SORCS1: variants seen among roughly 807,000 people sequenced by gnomAD.
SORCS1 encodes VPS10 domain-containing receptor SorCS1.
SORCS1 carries 60 observed loss-of-function variants against 146.1 expected under a neutral mutation model. That is an observed-to-expected ratio of 0.41 (90% CI 0.33 to 0.51). The LOEUF is 0.51. SORCS1 is among the 20% of genes least tolerant of loss of function. SORCS1 has a pLI of 0.21. For synonymous variants in SORCS1, 637 were observed against 584.0 expected, an observed-to-expected ratio of 1.09 and a Z score of -1.31; for missense variants, 1,352 against 1,487.6, an observed-to-expected ratio of 0.91 and a Z score of 1.50.
intron 22 of SORCS1, among the ~76,000 whole-genome samples, chr10:106,609,511 T>TA (rs953795425): frequency 6.6e-6 from 1 of 152,130 alleles, no homozygotes; most frequent in Non-Finnish European, 1.5e-5. Context: ...CCTTGGGACT[T>TA]AAAAAAGTGG....
intron 17 of SORCS1, among the ~76,000 whole-genome samples, chr10:106,666,273 T>TA (rs1564835197): frequency 6.6e-6 from 1 of 152,238 alleles, no homozygotes; most frequent in Non-Finnish European, 1.5e-5. Flanking sequence ...GTTCCCAAAG[T>TA]AAGAGAGAAT....
intron 14 of SORCS1, 130 bp downstream of exon 14, chr10:106,674,919 G>T: frequency 1.6e-6 from 1 of 636,094 alleles, no homozygotes; most frequent in Non-Finnish European, 2.6e-6. Context: ...CCTATTTGCT[G>T]TACACTCTTG....
At position 106,934,866 on chromosome 10, in the gene SORCS1, T is replaced by C. The variant is rs576774047; in HGVS notation, c.626+21647A>G. On this transcript the variant is annotated intron_variant, in intron 2 of 25. Transcript: ENST00000263054. ...TAATAAGCAGGAGCTAAGCTATGGGTACATAAAGGCATACAGAGTGACATA... is the reference window on the plus strand; with the variant it reads ...TAATAAGCAGGAGCTAAGCTATGGGCACATAAAGGCATACAGAGTGACATA... Among the ~76,000 whole-genome samples, 4 of 152,110 alleles carry C rather than the reference T, an allele frequency of 2.6e-5. No homozygotes were observed. In the South Asian group the frequency reaches 6.2e-4, roughly 24 times the overall value.
At chr10:106,972,997 T>C (rs1955854279) in intron 1 of SORCS1, among the ~76,000 whole-genome samples, 1 of 152,126 alleles carries the variant, frequency 6.6e-6, no homozygotes, top group South Asian at 2.1e-4. Flanking sequence ...CTTCTACCAT[T>C]GAGGCTGAGG....
In SORCS1 at chr10:106,576,656, A is replaced by G. The variant is rs1229468977; in HGVS notation, c.*764T>C. On this transcript the variant is annotated 3_prime_UTR_variant, in exon 26 of 26. Transcript: ENST00000263054. ...CGGCACAAAGGGATCTTCAACTCGCATCTTTGTTCCTGTGGCCACAGAGAG... is the reference window on the plus strand; with the variant it reads ...CGGCACAAAGGGATCTTCAACTCGCGTCTTTGTTCCTGTGGCCACAGAGAG... The G allele has an allele frequency of 6.6e-6, 1 of 152,248 alleles. No homozygotes were observed. The highest frequency in any genetic ancestry group is 2.4e-5 in the African/African-American group (1 of 41,444). 9.4% of individuals were successfully genotyped at this position (152,248 alleles called of 1,614,324 possible).
intron 23 of SORCS1, among the ~76,000 whole-genome samples, chr10:106,603,460 C>T (rs1004172330): frequency 2.0e-5 from 3 of 152,176 alleles, no homozygotes; most frequent in African/African-American, 4.8e-5. Flanking sequence ...ATTTATTTCA[C>T]AGACAAGATA....
At chr10:106,997,397 T>C (rs922069963) in intron 1 of SORCS1, among the ~76,000 whole-genome samples, 1 of 152,196 alleles carries the variant, frequency 6.6e-6, no homozygotes, top group Non-Finnish European at 1.5e-5. Context: ...CCACAGATTC[T>C]CTTATTTTGA....
At chr10:106,931,509 G>T (rs1301248599) in intron 2 of SORCS1, among the ~76,000 whole-genome samples, 1 of 152,206 alleles carries the variant, frequency 6.6e-6, no homozygotes. Context: ...CTGGCCTTCA[G>T]TGTAAAGTCC....
intron 2 of SORCS1, among the ~76,000 whole-genome samples, chr10:106,912,112 C>CAAAA (rs369514401): frequency 2.4e-5 from 3 of 124,826 alleles, no homozygotes; most frequent in Admixed American, 8.2e-5. Context: ...GCCTCCGTCT[C>CAAAA]AAAAAAAAAA....
At chr10:106,964,801 A>T (rs10787000) in intron 1 of SORCS1, among the ~76,000 whole-genome samples, 65,566 of 151,284 alleles carry the variant, frequency 0.43, 17,550 homozygotes, top group Non-Finnish European at 0.6. Flanking sequence ...TTTTTTAGAT[A>T]TAGGGTCTTG....
chr10:106,986,249 T>C (rs1413722664), intron 1 of SORCS1, among the ~76,000 whole-genome samples: 1 of 152,050 alleles, frequency 6.6e-6, no homozygotes, highest in African/African-American at 2.4e-5. Flanking sequence ...ATGTATAACC[T>C]ATATATACAC....
intron 1 of SORCS1, among the ~76,000 whole-genome samples, chr10:107,034,419 C>T (rs1958798507): frequency 6.6e-6 from 1 of 151,824 alleles, no homozygotes; most frequent in African/African-American, 2.4e-5. Flanking sequence ...GTGGCTCATA[C>T]CTGTAATCCC....
At chr10:106,831,485 A>G (rs1430257899) in intron 2 of SORCS1, among the ~76,000 whole-genome samples, 1 of 152,244 alleles carries the variant, frequency 6.6e-6, no homozygotes, top group Non-Finnish European at 1.5e-5. Context: ...ATGCTTAGAA[A>G]TTAAAGTTGA....
At chr10:106,918,598 G>A (rs557179928) in intron 2 of SORCS1, among the ~76,000 whole-genome samples, 1 of 152,226 alleles carries the variant, frequency 6.6e-6, no homozygotes, top group African/African-American at 2.4e-5. Flanking sequence ...GAAAAATAGA[G>A]GAGGAGAGGG....
At chr10:107,068,786 T>G (rs193144506) in intron 1 of SORCS1, among the ~76,000 whole-genome samples, 2 of 150,348 alleles carry the variant, frequency 1.3e-5, no homozygotes, top group African/African-American at 4.9e-5. Context: ...AGGAGAATGG[T>G]GTGAACCTGT....
At chr10:106,593,393 C>T (rs947898075) in intron 24 of SORCS1, among the ~76,000 whole-genome samples, 1 of 152,168 alleles carries the variant, frequency 6.6e-6, no homozygotes, top group African/African-American at 2.4e-5. Context: ...CCCGTTGACA[C>T]GTTTGTCTTT....
chr10:106,617,971 A>G (rs1211472610), intron 21 of SORCS1, among the ~76,000 whole-genome samples, 178 bp downstream of exon 21: 2 of 152,130 alleles, frequency 1.3e-5, no homozygotes, highest in East Asian at 3.9e-4. Context: ...ACGCTGTTTT[A>G]CCAGTGATTC....
chr10:106,844,332 T>C (rs1253165077), intron 2 of SORCS1, among the ~76,000 whole-genome samples: 1 of 152,078 alleles, frequency 6.6e-6, no homozygotes, highest in Non-Finnish European at 1.5e-5. Flanking sequence ...ATTCCCACAT[T>C]TTGCTTTTGG....
chr10:106,842,285 G>A (rs966650586), intron 2 of SORCS1, among the ~76,000 whole-genome samples: 38 of 152,272 alleles, frequency 2.5e-4, no homozygotes, highest in African/African-American at 8.7e-4. Context: ...CCCAGGTGGA[G>A]TGCAATGGCA....
Sources: gnomAD v4.1 joint callset for allele counts (sites outside exome capture counted in the v4.1 genomes callset) on GRCh38, gnomAD v4.1.1 for gene constraint, MANE v1.5 for transcripts, NCBI Gene and HGNC (gene_info 2026-07-23, HGNC 2026-07-21) for gene names.